The following UGT2A2 variants were observed in gnomAD, a reference collection of about 807,000 sequenced individuals.
UGT2A2 encodes UDP glucuronosyltransferase family 2 member A2.
UGT2A2 carries 60 observed loss-of-function variants against 50.7 expected under a neutral mutation model. The observed-to-expected ratio is 1.18, with a 90% CI of 0.96 to 1.47. UGT2A2 has a LOEUF of 1.47. Among genes scored for constraint, UGT2A2 ranks in the 40% most tolerant of loss-of-function variants. UGT2A2 has a pLI of 0.00. For missense variants in UGT2A2, 762 were observed against 634.0 expected, an observed-to-expected ratio of 1.20 and a Z score of -2.17; for synonymous variants, 242 against 214.6, an observed-to-expected ratio of 1.13 and a Z score of -1.11.
intron 1 of UGT2A2, among the ~76,000 whole-genome samples, chr4:69,617,900 G>A (rs1411840297): frequency 2.6e-5 from 4 of 151,672 alleles, no homozygotes; most frequent in Non-Finnish European, 5.9e-5. Context: ...AAACAAAACC[G>A]ACACAGTAAC....
At chr4:69,590,389 G>A (rs1390401043) in intron 5 of UGT2A2, among the ~76,000 whole-genome samples, 1 of 152,178 alleles carries the variant, frequency 6.6e-6, no homozygotes, top group Non-Finnish European at 1.5e-5. Flanking sequence ...ATATTTAAAA[G>A]GCAAACTGTG....
intron 1 of UGT2A2, among the ~76,000 whole-genome samples, chr4:69,602,456 T>A (rs1719348677): frequency 9.4e-6 from 1 of 106,070 alleles, no homozygotes; most frequent in Non-Finnish European, 1.9e-5. Context: ...AACAAAGATT[T>A]AGGAGTTTAT....
At position 69,589,532 on chromosome 4, in the gene UGT2A2, C is replaced by T. The variant is rs1229538259; in HGVS notation, c.1451G>A (p.Arg484Gln). 9 of 1,613,928 alleles carry T rather than the reference C, an allele frequency of 5.6e-6. No homozygotes were observed. The highest frequency in any genetic ancestry group is 3.3e-5 in the South Asian group (3 of 91,086). ...CCAGGTGAGGTCATGGGCTGCAACC[C>T]GAAGGTGCTTGGCTCCTTTGTGGCG... ...VMRHKGAKHL[R>Q]VAAHDLTWFQ... Residue 484 changes from arginine to glutamine, a missense_variant, in exon 6 of 6, where the codon CGG (arginine) becomes CAG (glutamine). Arg to Gln is a conservative substitution (Grantham distance 43). Transcript: ENST00000604629.
intron 2 of UGT2A2, among the ~76,000 whole-genome samples, chr4:69,597,958 G>C (rs1365572640): frequency 2.0e-5 from 3 of 152,084 alleles, no homozygotes; most frequent in African/African-American, 7.2e-5. Flanking sequence ...AAACATGGCT[G>C]ATTTGTCTTT....
chr4:69,623,667 C>G (rs28522985), intron 1 of UGT2A2, among the ~76,000 whole-genome samples: 53,130 of 150,902 alleles, frequency 0.35, 9,715 homozygotes, highest in African/African-American at 0.43. Context: ...ATAAAAAATT[C>G]TATAGTAATA....
At position 69,596,350 on chromosome 4, in the gene UGT2A2, T is replaced by C. The variant is rs1718932100; in HGVS notation, c.923A>G (p.Lys308Arg). ...EMEEFIQSSG[K>R]NGVVVFSLGS... ...CAGAGAAAACACCACAACACCATTTTTACCTGAGCTCTGGATAAATTCTTC... is the reference window on the plus strand; with the variant it reads ...CAGAGAAAACACCACAACACCATTTCTACCTGAGCTCTGGATAAATTCTTC... Residue 308 changes from lysine to arginine, a missense_variant, in exon 3 of 6, where the codon AAA (lysine) becomes AGA (arginine). Transcript: ENST00000604629. The C allele has an allele frequency of 1.2e-6, 2 of 1,604,584 alleles. No individual in the cohort carries two copies. The highest frequency in any genetic ancestry group is 1.7e-6 in the Non-Finnish European group (2 of 1,174,742).
At chr4:69,626,966 G>A (rs937507177) in intron 1 of UGT2A2, among the ~76,000 whole-genome samples, 6 of 151,066 alleles carry the variant, frequency 4.0e-5, no homozygotes, top group African/African-American at 9.7e-5. Context: ...TTCTGTTTTC[G>A]CTGCCTCAAA....
At chr4:69,617,286 C>A (rs1341190022) in intron 1 of UGT2A2, among the ~76,000 whole-genome samples, 1 of 151,794 alleles carries the variant, frequency 6.6e-6, no homozygotes, top group East Asian at 1.9e-4. Context: ...ATCTGCTGCC[C>A]TCCTATGGAT....
intron 1 of UGT2A2, among the ~76,000 whole-genome samples, chr4:69,619,741 G>T (rs970168026): frequency 6.6e-6 from 1 of 152,072 alleles, no homozygotes; most frequent in African/African-American, 2.4e-5. Flanking sequence ...GAATATTGAT[G>T]CAAAAATCCT....
At chr4:69,634,175 G>T (rs1379507888) in intron 1 of UGT2A2, among the ~76,000 whole-genome samples, 1 of 152,064 alleles carries the variant, frequency 6.6e-6, no homozygotes, top group African/African-American at 2.4e-5. Flanking sequence ...AACCCGGGAG[G>T]CGGAGCTTGC....
intron 1 of UGT2A2, among the ~76,000 whole-genome samples, chr4:69,617,199 C>A (rs1445140681): frequency 6.6e-6 from 1 of 151,888 alleles, no homozygotes; most frequent in African/African-American, 2.4e-5. Context: ...TTGGCAGTTG[C>A]TAAATGTAGT....
chr4:69,627,521 GAAGA>G (rs958467171), intron 1 of UGT2A2, among the ~76,000 whole-genome samples: 14 of 126,268 alleles, frequency 1.1e-4, no homozygotes, highest in South Asian at 2.6e-4. Flanking sequence ...AAGAAAGAAA[GAAGA>G]AAGAAAGAAA....
At chr4:69,616,625 T>G (rs1234266476) in intron 1 of UGT2A2, among the ~76,000 whole-genome samples, 2 of 151,948 alleles carry the variant, frequency 1.3e-5, no homozygotes, top group African/African-American at 4.8e-5. Context: ...AGCCACTGGC[T>G]TACCCATTCA....
intron 2 of UGT2A2, among the ~76,000 whole-genome samples, chr4:69,597,512 T>G (rs540439676): frequency 1.3e-5 from 2 of 152,306 alleles, no homozygotes; most frequent in Non-Finnish European, 2.9e-5. Flanking sequence ...GCATTCCCTG[T>G]GCAAATATTT....
intron 1 of UGT2A2, among the ~76,000 whole-genome samples, chr4:69,637,707 T>C (rs1411387705): frequency 3.9e-5 from 6 of 152,120 alleles, no homozygotes; most frequent in African/African-American, 1.4e-4. Context: ...TATATATTTA[T>C]TTTATTTATT....
intron 4 of UGT2A2, among the ~76,000 whole-genome samples, chr4:69,594,915 AGAT>A (rs542385718): frequency 3.3e-4 from 51 of 152,322 alleles, no homozygotes; most frequent in African/African-American, 1.2e-3. Context: ...ATTACTGAGG[AGAT>A]GATATCTGAA....
chr4:69,627,570 GAA>G (rs1297731670), intron 1 of UGT2A2, among the ~76,000 whole-genome samples: 22 of 144,086 alleles, frequency 1.5e-4, no homozygotes, highest in African/African-American at 5.6e-4. Context: ...GAGAGAGAAA[GAA>G]AGAGAGAAAG....
chr4:69,608,946 A>T (rs1719853874), intron 1 of UGT2A2, among the ~76,000 whole-genome samples: 1 of 152,164 alleles, frequency 6.6e-6, no homozygotes, highest in Non-Finnish European at 1.5e-5. Flanking sequence ...ACAGCATAAA[A>T]ATCCTTTTTT....
At chr4:69,608,926 T>C (rs1719851926) in intron 1 of UGT2A2, among the ~76,000 whole-genome samples, 1 of 152,108 alleles carries the variant, frequency 6.6e-6, no homozygotes, top group African/African-American at 2.4e-5. Context: ...AAACCATAGC[T>C]TCTATTAAGA....
Sources: allele counts gnomAD v4.1 joint callset (sites outside exome capture counted in the v4.1 genomes callset), GRCh38; gene constraint gnomAD v4.1.1; transcripts MANE v1.5; gene names NCBI Gene and HGNC (gene_info 2026-07-23, HGNC 2026-07-21).